ACVR2A: variants seen among roughly 807,000 people sequenced by gnomAD.
The protein encoded by ACVR2A is activin A receptor type 2A, also known as activin receptor type-2A.
A neutral mutation model predicts 61.4 loss-of-function variants in ACVR2A; 7 were observed. The observed-to-expected ratio is 0.11, with a 90% CI of 0.06 to 0.21. ACVR2A has a LOEUF of 0.21. Ranked by LOEUF, ACVR2A falls within the 10% of genes least tolerant of loss-of-function variation. The pLI, the probability that ACVR2A is intolerant of heterozygous loss-of-function variation, is 1.00. For missense variants in ACVR2A, 322 were observed against 621.7 expected (o/e 0.52, Z 5.13); for synonymous variants, 193 against 208.3 (o/e 0.93, Z 0.63).
At chr2:147,861,724 C>T (rs1329193103) in intron 1 of ACVR2A, among the ~76,000 whole-genome samples, 1 of 152,122 alleles carries the variant, frequency 6.6e-6, no homozygotes, top group African/African-American at 2.4e-5. Flanking sequence ...TGATCCTAAG[C>T]ATTTTGGATA....
At chr2:147,891,111 A>G (rs1573683679) in intron 1 of ACVR2A, among the ~76,000 whole-genome samples, 1 of 152,172 alleles carries the variant, frequency 6.6e-6, no homozygotes, top group African/African-American at 2.4e-5. Context: ...TTCCAATACT[A>G]TGAAATCCTC....
intron 4 of ACVR2A, among the ~76,000 whole-genome samples, chr2:147,905,235 A>G (rs1686961210): frequency 6.6e-6 from 1 of 152,046 alleles, no homozygotes; most frequent in South Asian, 2.1e-4. Flanking sequence ...ATAAACTATA[A>G]ACTATTCCAC....
intron 1 of ACVR2A, among the ~76,000 whole-genome samples, chr2:147,860,805 C>T (rs918941850): frequency 2.0e-5 from 3 of 152,194 alleles, no homozygotes; most frequent in African/African-American, 7.2e-5. Flanking sequence ...ATTACTGTTT[C>T]ATAGGGAATG....
Position 147,862,851 on chromosome 2 carries a change from T to C in ACVR2A, c.55+17644T>C, listed in dbSNP as rs188752401. ...CATTACTACATTACTTGGGTCAAAA[T>C]TGGAACTGGCAAGTTATGTCACAGC... On this transcript the variant is annotated intron_variant, in intron 1 of 10. Coordinates refer to ENST00000241416, the MANE Select transcript of ACVR2A (RefSeq NM_001616.5). Among the ~76,000 whole-genome samples the C allele has an allele frequency of 2.0e-5, 3 of 152,310 alleles. No homozygotes were observed. The East Asian group carries it at 5.8e-4, about 29-fold the overall frequency.
chr2:147,861,519 T>C (rs2105144903), intron 1 of ACVR2A, among the ~76,000 whole-genome samples: 1 of 152,284 alleles, frequency 6.6e-6, no homozygotes, highest in Middle Eastern at 3.4e-3. Context: ...ATGCCAGATC[T>C]GAAAATCCAA....
At chr2:147,888,732 T>C (rs77095648) in intron 1 of ACVR2A, among the ~76,000 whole-genome samples, 1 of 151,810 alleles carries the variant, frequency 6.6e-6, no homozygotes, top group African/African-American at 2.4e-5. Context: ...TATACCAGCA[T>C]GTCATCTGCA....
intron 1 of ACVR2A, among the ~76,000 whole-genome samples, chr2:147,856,337 G>A (rs530229504): frequency 3.3e-5 from 5 of 152,106 alleles, no homozygotes; most frequent in African/African-American, 9.7e-5. Context: ...ATATAATGGT[G>A]CCTGCCTCTT....
intron 4 of ACVR2A, among the ~76,000 whole-genome samples, chr2:147,910,599 T>C (rs993453897): frequency 6.6e-6 from 1 of 152,176 alleles, no homozygotes; most frequent in African/African-American, 2.4e-5. Context: ...GCTATTGTTC[T>C]CTATAGAAAT....
intron 9 of ACVR2A, 197 bp from the exon 10 acceptor site, chr2:147,925,834 T>C (rs1687488251): frequency 4.0e-6 from 2 of 505,684 alleles, no homozygotes; most frequent in Admixed American, 3.6e-5. Context: ...TGCCAAATTA[T>C]AGGCCTTTTC....
At chr2:147,870,290 T>C (rs1365296257) in intron 1 of ACVR2A, among the ~76,000 whole-genome samples, 2 of 152,216 alleles carry the variant, frequency 1.3e-5, no homozygotes, top group African/African-American at 4.8e-5. Context: ...TTCCTCTCTT[T>C]AATATTCTAC....
intron 4 of ACVR2A, among the ~76,000 whole-genome samples, chr2:147,902,079 A>C (rs1686882842): frequency 6.6e-6 from 1 of 151,998 alleles, no homozygotes; most frequent in Non-Finnish European, 1.5e-5. Context: ...AAAAAGCATA[A>C]AATATTTTTT....
rs751489227 is a variant in ACVR2A at position 147,918,432 on chromosome 2, T to C, written c.817-15T>C. 4 of 1,595,116 alleles carry C rather than the reference T, an allele frequency of 2.5e-6. No homozygotes were observed. The highest frequency in any genetic ancestry group is 3.4e-6 in the Non-Finnish European group (4 of 1,173,884). The stretch of plus-strand genomic sequence containing the variant: ...TGTCAAGAACATAAGTTTCTTTTTT[T>C]CCCTCTTTTTTTAGGGTTCACTATC... On this transcript the variant is annotated splice_polypyrimidine_tract_variant and intron_variant, in intron 6 of 10. Coordinates refer to ENST00000241416, the MANE Select transcript of ACVR2A (RefSeq NM_001616.5).
intron 1 of ACVR2A, among the ~76,000 whole-genome samples, chr2:147,879,362 C>G (rs996714576): frequency 6.6e-6 from 1 of 152,136 alleles, no homozygotes; most frequent in Admixed American, 6.5e-5. Context: ...CCTAAAAGCC[C>G]TTTTTATAAT....
chr2:147,922,828 G>A, intron 8 of ACVR2A, 145 bp from the exon 9 acceptor site: 1 of 729,364 alleles, frequency 1.4e-6, no homozygotes, highest in Non-Finnish European at 2.2e-6. Flanking sequence ...AGTATACGCA[G>A]AAAGGATCTT....
At chr2:147,873,424 CA>C (rs1686073719) in intron 1 of ACVR2A, among the ~76,000 whole-genome samples, 1 of 151,670 alleles carries the variant, frequency 6.6e-6, no homozygotes, top group South Asian at 2.1e-4. Flanking sequence ...TTTTGAAATC[CA>C]GTGTGTATCT....
chr2:147,856,834 A>C (rs1173691823), intron 1 of ACVR2A, among the ~76,000 whole-genome samples: 3 of 152,168 alleles, frequency 2.0e-5, no homozygotes, highest in Admixed American at 2.0e-4. Context: ...TATATAACAA[A>C]TCTTTCTTGG....
chr2:147,845,344 C>T, intron 1 of ACVR2A, 137 bp downstream of exon 1: 1 of 438,608 alleles, frequency 2.3e-6, no homozygotes, highest in Admixed American at 6.1e-5. Context: ...CCTCGGCTGC[C>T]ACCGCCCCCC....
chr2:147,845,357 C>A lies in ACVR2A; in HGVS notation c.55+150C>A, dbSNP rs544980828. On this transcript the variant is annotated intron_variant, in intron 1 of 10. Coordinates refer to ENST00000241416, the MANE Select transcript of ACVR2A (RefSeq NM_001616.5). ...CCCCTCGGCTGCCACCGCCCCCCCC[C>A]CCCGCCCCCAGGTCTGATTGTGATC... is the stretch of plus-strand genomic sequence containing the variant. The A allele has an allele frequency of 1.3e-5, 7 of 536,208 alleles. 1 individual carries two copies. Among genetic ancestry groups the A allele is most frequent in the East Asian group, 7.1e-5 (2 of 28,360 alleles). 33.2% of individuals were successfully genotyped at this position (536,208 alleles called of 1,614,324 possible). A position where few individuals can be genotyped will look rare whatever the true frequency, so the allele number is the denominator to read the frequency against.
chr2:147,912,791 C>G (rs989738663), intron 4 of ACVR2A, among the ~76,000 whole-genome samples: 4 of 151,760 alleles, frequency 2.6e-5, no homozygotes, highest in African/African-American at 9.7e-5. Context: ...ATTTAAAATT[C>G]CATTTTTGAA....
Sources: allele counts gnomAD v4.1 joint callset (sites outside exome capture counted in the v4.1 genomes callset), GRCh38; gene constraint gnomAD v4.1.1; transcripts MANE v1.5; gene names NCBI Gene and HGNC (gene_info 2026-07-23, HGNC 2026-07-21).